PATJ: variants seen among roughly 807,000 people sequenced by gnomAD.
The protein encoded by PATJ is inaD-like protein.
Under a neutral mutation model 224.9 loss-of-function variants are expected in PATJ, and 190 were observed. That is an observed-to-expected ratio of 0.84 (90% confidence interval 0.75 to 0.95). The LOEUF (loss-of-function observed/expected upper bound fraction) is 0.95. Among genes scored for constraint, PATJ ranks in the 40% least tolerant of loss-of-function variants. The pLI, the probability that PATJ is intolerant of heterozygous loss-of-function variation, is 0.00. For synonymous variants in PATJ, 769 were observed against 820.3 expected (o/e 0.94, Z 1.07); for missense variants, 2,121 against 2,270.3 (o/e 0.93, Z 1.34).
chr1:61,871,436 TGTATATAC>T (rs1666446718), intron 20 of PATJ, among the ~76,000 whole-genome samples: 1 of 76,564 alleles, frequency 1.3e-5, no homozygotes, highest in Admixed American at 1.8e-4. Flanking sequence ...CATATATATG[TGTATATAC>T]ACATATATAT....
chr1:61,808,577 G>A (rs1302410653), intron 14 of PATJ, 47 bp downstream of exon 14: 1 of 1,209,340 alleles, frequency 8.3e-7, no homozygotes, highest in East Asian at 2.3e-5. Context: ...TTTTTTAAGA[G>A]ATAGGGTCTC....
At chr1:61,757,032 CTG>C (rs984702533) in intron 1 of PATJ, among the ~76,000 whole-genome samples, 18 of 150,508 alleles carry the variant, frequency 1.2e-4, no homozygotes, top group African/African-American at 3.7e-4. Flanking sequence ...AATTATCCCA[CTG>C]TGTAGCTTGC....
Position 61,929,401 on chromosome 1 carries a change from T to C in PATJ, c.3670+1572T>C, listed in dbSNP as rs146305492. ...TATGTGGGGGTGAGCGAATATCTTA[T>C]AACCTGCCTCATAGTATTGTTGTGA... On this transcript the variant is annotated intron_variant, in intron 27 of 43. Transcript: ENST00000642238. 3.0e-3 allele frequency among the ~76,000 whole-genome samples: 458 copies of C among 150,426 alleles called. 1 individual carries two copies. The highest frequency in any genetic ancestry group is 4.6e-3 in the Non-Finnish European group (312 of 67,316).
At chr1:61,856,334 G>A (rs941527488) in intron 18 of PATJ, 95 bp downstream of exon 18, 3 of 958,496 alleles carry the variant, frequency 3.1e-6, no homozygotes, top group South Asian at 3.0e-5. Context: ...AAGAATTTCT[G>A]TTCTACTGTT....
intron 28 of PATJ, among the ~76,000 whole-genome samples, chr1:62,002,433 G>A (rs1007062543): frequency 6.6e-5 from 10 of 152,214 alleles, no homozygotes; most frequent in African/African-American, 2.2e-4. Context: ...AGAGCGGGGC[G>A]CAGTGGCTCA....
At chr1:61,804,846 C>A (rs1296752286) in intron 12 of PATJ, among the ~76,000 whole-genome samples, 1 of 152,090 alleles carries the variant, frequency 6.6e-6, no homozygotes, top group African/African-American at 2.4e-5. Flanking sequence ...ATCTTAATAA[C>A]CAAGCAACAA....
Position 61,801,665 on chromosome 1 carries a change from C to G in PATJ, c.1445C>G (p.Thr482Ser). The part of the protein sequence containing the change: ...EPLKPPALFL[T>S]GAVETETNVD... ...CTGAAACCACCAGCTCTCTTTCTAACTGGAGCAGTGGAAACTGAAACTAAT... is the reference window on the plus strand; with the variant it reads ...CTGAAACCACCAGCTCTCTTTCTAAGTGGAGCAGTGGAAACTGAAACTAAT... Residue 482 changes from threonine (T) to serine (S), a missense_variant, in exon 12 of 44, where the codon ACT (threonine) becomes AGT (serine). By Grantham distance (58) the Thr-to-Ser change is moderately conservative. Transcript: ENST00000642238. 1 of 1,600,152 alleles carries G rather than the reference C, an allele frequency of 6.2e-7. No individual in the cohort carries two copies. The highest frequency in any genetic ancestry group is 8.5e-7 in the Non-Finnish European group (1 of 1,170,838).
At chr1:61,875,791 A>G (rs911037751) in intron 21 of PATJ, among the ~76,000 whole-genome samples, 6 of 152,172 alleles carry the variant, frequency 3.9e-5, no homozygotes, top group African/African-American at 1.4e-4. Context: ...TTTTATAGCC[A>G]TATATTACAG....
intron 19 of PATJ, among the ~76,000 whole-genome samples, chr1:61,862,746 T>C (rs1664810674): frequency 6.6e-6 from 1 of 152,172 alleles, no homozygotes; most frequent in South Asian, 2.1e-4. Flanking sequence ...TGCTTTAATT[T>C]TAGAAAATTT....
At chr1:61,991,427 C>T (rs1205092505) in intron 28 of PATJ, 36 of 880,094 alleles carry the variant, frequency 4.1e-5, no homozygotes, top group Non-Finnish European at 4.8e-5. Flanking sequence ...GAGTGTTAGA[C>T]TGCTTACTTG....
intron 17 of PATJ, among the ~76,000 whole-genome samples, chr1:61,837,954 CA>C (rs1165166120): frequency 1.3e-5 from 2 of 152,078 alleles, no homozygotes; most frequent in Non-Finnish European, 2.9e-5. Context: ...GTGAAATGAT[CA>C]GCTGAGTCTG....
intron 41 of PATJ, among the ~76,000 whole-genome samples, chr1:62,130,998 A>G (rs146388849): frequency 2.3e-4 from 35 of 152,350 alleles, no homozygotes; most frequent in African/African-American, 7.9e-4. Flanking sequence ...CTGTCAGTTT[A>G]CTATCACACT....
intron 22 of PATJ, among the ~76,000 whole-genome samples, chr1:61,887,198 T>C (rs11207855): frequency 0.14 from 21,502 of 152,018 alleles, 1,573 homozygotes; most frequent in African/African-American, 0.16. Flanking sequence ...TCTGTGGAGA[T>C]GGTGGAGGGA....
intron 12 of PATJ, among the ~76,000 whole-genome samples, chr1:61,804,192 A>G (rs1653083446): frequency 6.6e-6 from 1 of 152,176 alleles, no homozygotes; most frequent in Admixed American, 6.5e-5. Context: ...TCTTAATGTA[A>G]TTTCTTAAGG....
chr1:61,895,784 C>T (rs959925704), intron 22 of PATJ, among the ~76,000 whole-genome samples: 12 of 152,300 alleles, frequency 7.9e-5, no homozygotes, highest in Non-Finnish European at 1.6e-4. Context: ...AAGAGGGCCA[C>T]GATCTTCCAG....
At chr1:61,871,425 A>C (rs1396499641) in intron 20 of PATJ, among the ~76,000 whole-genome samples, 1 of 46,924 alleles carries the variant, frequency 2.1e-5, no homozygotes, top group Non-Finnish European at 4.0e-5. Flanking sequence ...ATATATATGT[A>C]CATATATATG....
At position 62,094,253 on chromosome 1, in the gene PATJ, G is replaced by T. The variant is rs114689346; in HGVS notation, c.4377+9605G>T. Among the ~76,000 whole-genome samples, 897 of 152,094 alleles carry T rather than the reference G, an allele frequency of 5.9e-3. 11 individuals carry two copies. The highest frequency in any genetic ancestry group is 0.021 in the African/African-American group (852 of 41,492). On this transcript the variant is annotated intron_variant, in intron 33 of 43. Transcript: ENST00000642238. ...CTACAAAAAATTAAAAATTATCCAGGTGTGGTGGTGTGTGCCCTGTGGTCC... is the reference window on the plus strand; with the variant it reads ...CTACAAAAAATTAAAAATTATCCAGTTGTGGTGGTGTGTGCCCTGTGGTCC...
chr1:62,049,840 A>G (rs1357825498), intron 30 of PATJ, among the ~76,000 whole-genome samples: 1 of 152,142 alleles, frequency 6.6e-6, no homozygotes, highest in Non-Finnish European at 1.5e-5. Context: ...AGGCATGGTG[A>G]TGGGACTTGA....
intron 33 of PATJ, among the ~76,000 whole-genome samples, chr1:62,085,783 T>C (rs1416646784): frequency 1.4e-5 from 2 of 143,086 alleles, no homozygotes; most frequent in African/African-American, 2.7e-5. Flanking sequence ...CATGCCACTA[T>C]ACTCCAGCCT....
Sources: allele counts gnomAD v4.1 joint callset (sites outside exome capture counted in the v4.1 genomes callset), GRCh38; gene constraint gnomAD v4.1.1; transcripts MANE v1.5; gene names NCBI Gene and HGNC (gene_info 2026-07-23, HGNC 2026-07-21).